The following BCO1 variants were observed in gnomAD, a reference collection of about 807,000 sequenced individuals.
BCO1 encodes beta-carotene oxygenase 1, also known as beta,beta-carotene 15,15'-dioxygenase.
A neutral mutation model predicts 56.3 loss-of-function variants in BCO1; 54 were observed. The ratio of observed to expected loss-of-function variants is 0.96; its 90% CI spans 0.77 to 1.20. The LOEUF (loss-of-function observed/expected upper bound fraction) is 1.20, where lower values mean the gene tolerates loss of function less well. Among genes scored for constraint, BCO1 ranks in the 50% most tolerant of loss-of-function variants. The pLI is 0.00. For missense variants in BCO1, 801 were observed against 690.9 expected (o/e 1.16, Z -1.79); for synonymous variants, 318 against 266.1 (o/e 1.20, Z -1.90).
At chr16:81,279,220 A>G (rs1907725883) in intron 7 of BCO1, among the ~76,000 whole-genome samples, 1 of 152,232 alleles carries the variant, frequency 6.6e-6, no homozygotes, top group Non-Finnish European at 1.5e-5. Flanking sequence ...TTAAGGCTAC[A>G]GTGAGCTGTC....
intron 5 of BCO1, among the ~76,000 whole-genome samples, chr16:81,265,969 A>C (rs144444820): frequency 1.3e-5 from 2 of 151,308 alleles, no homozygotes; most frequent in Admixed American, 6.6e-5. Flanking sequence ...TCCACCATCT[A>C]TCCATCCACC....
At position 81,241,892 on chromosome 16, in the gene BCO1, G is replaced by A. The variant is rs368214073; in HGVS notation, c.64+2920G>A. Among the ~76,000 whole-genome samples the A allele has an allele frequency of 2.6e-5, 4 of 152,292 alleles. No individual in the cohort carries two copies. The East Asian group carries it at 7.7e-4, about 29-fold the overall frequency. On this transcript the variant is annotated intron_variant, in intron 1 of 10. Transcript: ENST00000258168. ...TAACTGGCTGTGCCGACACACGTGTGTTCTGAGACCTCTTTGGCAACTTAA... is the reference window on the plus strand; with the variant it reads ...TAACTGGCTGTGCCGACACACGTGTATTCTGAGACCTCTTTGGCAACTTAA...
intron 7 of BCO1, among the ~76,000 whole-genome samples, chr16:81,277,984 G>T (rs949239902): frequency 6.6e-6 from 1 of 152,140 alleles, no homozygotes; most frequent in Admixed American, 6.6e-5. Flanking sequence ...GTACCAGGAA[G>T]GGCCTCCCAC....
intron 8 of BCO1, among the ~76,000 whole-genome samples, chr16:81,285,022 T>C (rs1356779070): frequency 6.6e-6 from 1 of 151,358 alleles, no homozygotes; most frequent in East Asian, 2.0e-4. Flanking sequence ...GTATTTTTAG[T>C]AGAGGGAGGG....
intron 1 of BCO1, 66 bp from the exon 2 acceptor site, chr16:81,245,408 GA>G (rs1304663943): frequency 6.2e-7 from 1 of 1,612,292 alleles, no homozygotes; most frequent in African/African-American, 1.3e-5. Context: ...TCCTTTCCAT[GA>G]CCATTTCTTC....
chr16:81,239,490 T>A (rs1905019998), intron 1 of BCO1, among the ~76,000 whole-genome samples: 1 of 152,164 alleles, frequency 6.6e-6, no homozygotes. Flanking sequence ...AGAGTCAGTC[T>A]CACTGTTCCC....
intron 7 of BCO1, among the ~76,000 whole-genome samples, chr16:81,272,113 CTTTT>C (rs35402352): frequency 9.0e-6 from 1 of 111,314 alleles, no homozygotes; most frequent in Non-Finnish European, 1.8e-5. Flanking sequence ...TCTTTTCTTT[CTTTT>C]TTTTTTTTTT....
chr16:81,285,240 A>G (rs996767451), intron 8 of BCO1, among the ~76,000 whole-genome samples: 6 of 152,228 alleles, frequency 3.9e-5, no homozygotes, highest in African/African-American at 1.4e-4. Context: ...GTAGCCTCTG[A>G]TTTTAATCAT....
Position 81,290,249 on chromosome 16 carries a change from T to C in BCO1, c.1415-99T>C, listed in dbSNP as rs1198180375. ...TTCACTCCCTCCTGTTTTGGTTAGA[T>C]ACATATGTTTAAAGAGGGCAGAGAG... On this transcript the variant is annotated intron_variant, in intron 10 of 10. Coordinates refer to ENST00000258168, the MANE Select transcript of BCO1 (RefSeq NM_017429.3). The C allele has an allele frequency of 4.0e-6, 4 of 1,003,928 alleles. No homozygotes were observed. In the African/African-American group the frequency reaches 6.3e-5, roughly 16 times the overall value. 62.2% of individuals were successfully genotyped at this position (1,003,928 alleles called of 1,614,324 possible).
At chr16:81,287,196 C>G in intron 9 of BCO1, 99 bp from the exon 10 acceptor site, 2 of 911,366 alleles carry the variant, frequency 2.2e-6, no homozygotes, top group Non-Finnish European at 3.7e-6. Flanking sequence ...ATCCGATGGG[C>G]TTCATCTCCT....
At chr16:81,275,255 G>A (rs1012725630) in intron 7 of BCO1, among the ~76,000 whole-genome samples, 2 of 152,212 alleles carry the variant, frequency 1.3e-5, no homozygotes, top group Non-Finnish European at 2.9e-5. Flanking sequence ...TGTCCTCCTG[G>A]GCTGACACTC....
At chr16:81,279,427 T>C (rs1218816852) in intron 7 of BCO1, among the ~76,000 whole-genome samples, 1 of 152,102 alleles carries the variant, frequency 6.6e-6, no homozygotes, top group African/African-American at 2.4e-5. Flanking sequence ...GTGGCAGCAA[T>C]ATAATAATAA....
chr16:81,279,732 C>G (rs1907757931), intron 7 of BCO1, among the ~76,000 whole-genome samples: 1 of 152,090 alleles, frequency 6.6e-6, no homozygotes, highest in South Asian at 2.1e-4. Flanking sequence ...ATGCTAAATC[C>G]CTCCCCTTGC....
intron 10 of BCO1, among the ~76,000 whole-genome samples, chr16:81,288,531 C>G (rs1908305251): frequency 6.6e-6 from 1 of 152,208 alleles, no homozygotes; most frequent in Non-Finnish European, 1.5e-5. Context: ...TCCCAAAGTG[C>G]TGGGATTACA....
At chr16:81,264,935 T>G in intron 5 of BCO1, 148 bp downstream of exon 5, 1 of 873,136 alleles carries the variant, frequency 1.1e-6, no homozygotes, top group Non-Finnish European at 1.8e-6. Flanking sequence ...GTACTTTCCT[T>G]TAGAAGAGAA....
intron 2 of BCO1, among the ~76,000 whole-genome samples, chr16:81,257,268 G>C (rs1009403148): frequency 1.3e-5 from 2 of 151,936 alleles, no homozygotes; most frequent in African/African-American, 4.8e-5. Context: ...GCGTTTTTTT[G>C]TTTATTTGTT....
chr16:81,239,003 C>T (rs768882933), intron 1 of BCO1, 31 bp downstream of exon 1: 4 of 1,573,600 alleles, frequency 2.5e-6, no homozygotes, highest in Non-Finnish European at 3.5e-6. Flanking sequence ...TGGGCTCTTT[C>T]TTCTATTTAT....
In BCO1 at chr16:81,268,139, C is replaced by A. The variant is rs756798589; in HGVS notation, c.843+8C>A. ...TTCCACAGGGAGGAGAAGGTGAGGT[C>A]TGGCTGGACTCTAGCCCAGTGGGTG... On this transcript the variant is annotated splice_region_variant and intron_variant, in intron 6 of 10. Transcript: ENST00000258168. 2 of 1,604,428 alleles carry A rather than the reference C, an allele frequency of 1.2e-6. No homozygotes were observed. The highest frequency in any genetic ancestry group is 2.7e-5 in the African/African-American group (2 of 75,008).
At chr16:81,286,671 A>C (rs1389193356) in intron 9 of BCO1, among the ~76,000 whole-genome samples, 8 of 152,078 alleles carry the variant, frequency 5.3e-5, no homozygotes, top group African/African-American at 1.7e-4. Flanking sequence ...CAACAATAGC[A>C]AGACCCTGTC....
Sources: allele counts gnomAD v4.1 joint callset (sites outside exome capture counted in the v4.1 genomes callset), GRCh38; gene constraint gnomAD v4.1.1; transcripts MANE v1.5; gene names NCBI Gene and HGNC (gene_info 2026-07-23, HGNC 2026-07-21).